ARHGEF4: variants seen among roughly 807,000 people sequenced by gnomAD.
ARHGEF4 encodes the protein Rho guanine nucleotide exchange factor 4, also known as APC-stimulated guanine nucleotide exchange factor 1.
In ARHGEF4, 119 loss-of-function variants were observed where a neutral mutation model predicts 162.0. That is an observed-to-expected ratio of 0.73 (90% CI 0.63 to 0.86). The LOEUF is 0.86. ARHGEF4 is among the 40% of genes least tolerant of loss of function. The pLI, the probability that ARHGEF4 is intolerant of heterozygous loss-of-function variation, is 0.00. For missense variants in ARHGEF4, 2,488 were observed against 2,456.0 expected (o/e 1.01, Z -0.28); for synonymous variants, 1,014 against 979.9 (o/e 1.03, Z -0.65).
chr2:130,910,207 T>TA (rs1364734245), intron 1 of ARHGEF4, among the ~76,000 whole-genome samples: 5 of 151,592 alleles, frequency 3.3e-5, no homozygotes, highest in East Asian at 1.9e-4. Flanking sequence ...GGTATAATAA[T>TA]AAAAAAAAGT....
At chr2:130,995,491 G>A (rs1687317774) in intron 4 of ARHGEF4, among the ~76,000 whole-genome samples, 1 of 152,152 alleles carries the variant, frequency 6.6e-6, no homozygotes, top group Admixed American at 6.5e-5. Flanking sequence ...TTGTGGATCT[G>A]CAGCTATTGA....
At chr2:130,995,757 G>A (rs1482146699) in intron 4 of ARHGEF4, among the ~76,000 whole-genome samples, 2 of 152,056 alleles carry the variant, frequency 1.3e-5, no homozygotes, top group Admixed American at 6.6e-5. Flanking sequence ...TGTAGAACTC[G>A]CCCATGCTTC....
chr2:130,946,624 C>A lies in ARHGEF4; in HGVS notation c.3974C>A (p.Thr1325Lys), dbSNP rs1223136947. 1.2e-5 allele frequency: 19 copies of A among 1,613,982 alleles called. No homozygotes were observed. The highest frequency in any genetic ancestry group is 1.6e-5 in the Non-Finnish European group (19 of 1,179,978). ...AACCACATGGGCTGGCCAGAGCACACACCAGGCACTGGTGAGTTACGCGCC... is the reference window on the plus strand; with the variant it reads ...AACCACATGGGCTGGCCAGAGCACAAACCAGGCACTGGTGAGTTACGCGCC... The part of the protein sequence containing the change: ...GLNHMGWPEH[T>K]PGTAMPDGAL... Residue 1325 changes from threonine to lysine, a missense_variant, in exon 4 of 14, where the codon ACA (threonine) becomes AAA (lysine). This residue lies in a region of ARHGEF4 where 1,642 missense variants were observed against 1,481.5 expected (regional missense o/e 1.11). Transcript: ENST00000409359.
At chr2:130,919,910 CTA>C (rs1681766416) in intron 2 of ARHGEF4, among the ~76,000 whole-genome samples, 1 of 152,052 alleles carries the variant, frequency 6.6e-6, no homozygotes. Flanking sequence ...ATATCTGTCT[CTA>C]TGTGTCTGTG....
intron 1 of ARHGEF4, among the ~76,000 whole-genome samples, chr2:130,872,553 C>T (rs987276947): frequency 3.3e-5 from 5 of 152,140 alleles, no homozygotes; most frequent in African/African-American, 9.7e-5. Flanking sequence ...TTGTGTGTCC[C>T]GTCCCCGTGA....
At chr2:130,923,112 G>A (rs1173446491) in intron 2 of ARHGEF4, among the ~76,000 whole-genome samples, 1 of 152,002 alleles carries the variant, frequency 6.6e-6, no homozygotes, top group African/African-American at 2.4e-5. Flanking sequence ...TGTATTTTTA[G>A]TAGAGATGGG....
At position 130,902,816 on chromosome 2, in the gene ARHGEF4, A is replaced by G. The variant is rs1254863385; in HGVS notation, c.40-11170A>G. Among the ~76,000 whole-genome samples the G allele has an allele frequency of 2.6e-5, 4 of 152,192 alleles. No individual in the cohort carries two copies. In the East Asian group the frequency reaches 5.8e-4, roughly 22 times the overall value. On this transcript the variant is annotated intron_variant, in intron 1 of 13. Transcript: ENST00000409359. ...TATTTGCCCTAAATACTTCCTCTAC[A>G]TATTTTGAGAACTACATCTGACATT...
intron 4 of ARHGEF4, chr2:131,011,641 C>G (rs1688456511): frequency 6.5e-7 from 1 of 1,534,774 alleles, no homozygotes; most frequent in African/African-American, 1.4e-5. Flanking sequence ...AACTGGTTAA[C>G]TGAGATTGGT....
At chr2:130,840,428 AG>A (rs997138272) in intron 1 of ARHGEF4, among the ~76,000 whole-genome samples, 4 of 152,216 alleles carry the variant, frequency 2.6e-5, no homozygotes, top group African/African-American at 9.6e-5. Context: ...GGGGGGATGC[AG>A]CAGCGTCTTC....
At chr2:130,971,655 C>CAAAAAAAA (rs35136790) in intron 4 of ARHGEF4, among the ~76,000 whole-genome samples, 1 of 101,354 alleles carries the variant, frequency 9.9e-6, no homozygotes, top group Admixed American at 1.2e-4. Flanking sequence ...GAGACTGTCT[C>CAAAAAAAA]AAAAAAAAAA....
rs142239119 is a variant in ARHGEF4 at position 131,045,416 on chromosome 2, A to T, written c.5449A>T (p.Ser1817Cys). Reference sequence around the variant, plus strand: ...GAGGAAGCAGGCCATGCTGAATGCCAGCAAGCAGCAGGTCACAGGGAAGCC... The same window carrying T: ...GAGGAAGCAGGCCATGCTGAATGCCTGCAAGCAGCAGGTCACAGGGAAGCC... Reference protein sequence around the residue: ...LQRKQAMLNASKQQVTGKPKA... With the variant: ...LQRKQAMLNACKQQVTGKPKA... The change falls in exon 13 of 14, where the codon AGC (serine) becomes TGC (cysteine). Residue 1817 changes from serine to cysteine, a missense_variant. Transcript: ENST00000409359. 6.2e-7 allele frequency: 1 copy of T among 1,613,480 alleles called. No homozygotes were observed. Among genetic ancestry groups the T allele is most frequent in the Non-Finnish European group, 8.5e-7 (1 of 1,180,010 alleles).
rs1573711804 is a variant in ARHGEF4, at chr2:131,043,317, T to G, written c.5026-135T>G. On this transcript the variant is annotated intron_variant, in intron 10 of 13. Transcript: ENST00000409359. ...CAGACGTGCCACCTCTTCCTCCCCC[T>G]CCCACCATGGCCTGGCCAGGTGGGC... 5 of 1,199,160 alleles carry G rather than the reference T, an allele frequency of 4.2e-6. No individual in the cohort carries two copies. The East Asian group carries it at 1.2e-4, about 29-fold the overall frequency. 74.3% of individuals were successfully genotyped at this position (1,199,160 alleles called of 1,614,324 possible). A position where few individuals can be genotyped will look rare whatever the true frequency, so the allele number is the denominator to read the frequency against.
chr2:130,995,888 CTTTTT>C (rs1184456550), intron 4 of ARHGEF4, among the ~76,000 whole-genome samples: 1 of 136,878 alleles, frequency 7.3e-6, no homozygotes. Flanking sequence ...TATTATTCAC[CTTTTT>C]TTTTTTTTTT....
At chr2:131,027,189 G>T (rs1689535924) in intron 4 of ARHGEF4, among the ~76,000 whole-genome samples, 1 of 152,162 alleles carries the variant, frequency 6.6e-6, no homozygotes, top group Non-Finnish European at 1.5e-5. Context: ...CACAAAATGT[G>T]AAAGACTCGT....
In ARHGEF4 at chr2:130,915,221, G is replaced by A. The variant is rs1188262962; in HGVS notation, c.1275G>A (p.Gly425=). The change falls in exon 2 of 14, where the codon GGG becomes GGA. Residue 425 remains glycine, a synonymous_variant. Transcript: ENST00000409359. ...ACACTCCTTCTGCAGGTCTCCTGGG[G>A]GAAAACCAGTTAAGACAGGATTCCA... ...SQDTPSAGLL[G]ENQLRQDSRS... 1.3e-6 allele frequency: 2 copies of A among 1,550,620 alleles called. No individual in the cohort carries two copies. Among genetic ancestry groups the A allele is most frequent in the East Asian group, 2.4e-5 (1 of 40,914 alleles).
intron 1 of ARHGEF4, among the ~76,000 whole-genome samples, chr2:130,848,828 G>A (rs1681184628): frequency 1.3e-5 from 2 of 152,200 alleles, no homozygotes; most frequent in South Asian, 4.1e-4. Context: ...AGGCCTGGGT[G>A]GCGCAGTGAG....
intron 10 of ARHGEF4, among the ~76,000 whole-genome samples, chr2:131,042,245 T>C: frequency 6.6e-6 from 1 of 152,210 alleles, no homozygotes; most frequent in Non-Finnish European, 1.5e-5. Flanking sequence ...CTGTGTTCTG[T>C]TCCTCTGCCT....
At chr2:130,962,760 A>C (rs1246713081) in intron 4 of ARHGEF4, among the ~76,000 whole-genome samples, 1 of 146,552 alleles carries the variant, frequency 6.8e-6, no homozygotes, top group Non-Finnish European at 1.5e-5. Context: ...TTACACTAGA[A>C]GCAGCCCCCA....
intron 4 of ARHGEF4, among the ~76,000 whole-genome samples, chr2:131,020,587 G>A (rs372756134): frequency 2.1e-3 from 278 of 131,382 alleles, no homozygotes; most frequent in South Asian, 4.8e-3. Context: ...AATCCAGTCT[G>A]TCGTTGTTGG....
Sources: gnomAD v4.1 joint callset for allele counts (sites outside exome capture counted in the v4.1 genomes callset) on GRCh38, gnomAD v4.1.1 for gene constraint, gnomAD v4.1.1 regional missense constraint, MANE v1.5 for transcripts, NCBI Gene and HGNC (gene_info 2026-07-23, HGNC 2026-07-21) for gene names.